Variants in CSMD1 observed in about 807,000 individuals in gnomAD.
The protein encoded by CSMD1 is CUB and Sushi multiple domains 1.
Under a neutral mutation model 417.5 loss-of-function variants are expected in CSMD1, and 213 were observed. That is an observed-to-expected ratio of 0.51 (90% CI 0.46 to 0.57). The LOEUF (loss-of-function observed/expected upper bound fraction) is 0.57. CSMD1 is among the 20% of genes least tolerant of loss of function. CSMD1 has a pLI of 0.00. For missense variants in CSMD1, 6,923 were observed against 4,529.7 expected, an observed-to-expected ratio of 1.53 and a Z score of -15.17; for synonymous variants, 2,862 against 1,736.8, an observed-to-expected ratio of 1.65 and a Z score of -16.11.
At chr8:4,130,880 C>T (rs1803060625) in intron 3 of CSMD1, among the ~76,000 whole-genome samples, 1 of 151,466 alleles carries the variant, frequency 6.6e-6, no homozygotes, top group South Asian at 2.1e-4. Context: ...TGTTCATATG[C>T]TGAGATAGGT....
chr8:3,611,556 G>C (rs149809947), intron 8 of CSMD1, among the ~76,000 whole-genome samples: 144 of 152,136 alleles, frequency 9.5e-4, no homozygotes, highest in Middle Eastern at 6.8e-3. Context: ...CCATGACAAA[G>C]TTAAAGTTTT....
intron 7 of CSMD1, among the ~76,000 whole-genome samples, chr8:3,652,312 A>G (rs1011228152): frequency 1.3e-5 from 2 of 151,656 alleles, no homozygotes; most frequent in East Asian, 1.9e-4. Context: ...ATGCTTAACC[A>G]CCATCGGAGT....
At chr8:4,662,221 C>T (rs79125892) in intron 1 of CSMD1, among the ~76,000 whole-genome samples, 7,364 of 152,120 alleles carry the variant, frequency 0.048, 261 homozygotes, top group South Asian at 0.17. Context: ...CAAAGTTATG[C>T]TATAATGATT....
chr8:3,040,226 C>G (rs955480388), intron 50 of CSMD1, among the ~76,000 whole-genome samples: 1 of 151,938 alleles, frequency 6.6e-6, no homozygotes, highest in African/African-American at 2.4e-5. Flanking sequence ...AATATCACCA[C>G]CAAAATGTTA....
intron 4 of CSMD1, among the ~76,000 whole-genome samples, chr8:4,022,329 C>G (rs370983925): frequency 3.8e-4 from 58 of 152,044 alleles, no homozygotes; most frequent in African/African-American, 1.3e-3. Context: ...GAACACCCCT[C>G]CAATTCAGCA....
At chr8:4,778,076 G>T (rs17432178) in intron 1 of CSMD1, among the ~76,000 whole-genome samples, 3 of 151,958 alleles carry the variant, frequency 2.0e-5, no homozygotes, top group Non-Finnish European at 2.9e-5. Flanking sequence ...CAGGCATACT[G>T]GTGCAATATT....
chr8:3,272,309 T>A (rs544078031), intron 26 of CSMD1, among the ~76,000 whole-genome samples: 1 of 146,310 alleles, frequency 6.8e-6, no homozygotes, highest in East Asian at 2.0e-4. Flanking sequence ...TTGGTACCAG[T>A]ACCATGCTGT....
chr8:4,767,763 G>A (rs547780601), intron 1 of CSMD1, among the ~76,000 whole-genome samples: 1 of 152,210 alleles, frequency 6.6e-6, no homozygotes, highest in Non-Finnish European at 1.5e-5. Flanking sequence ...TATCCTTTGT[G>A]CAATTATTTG....
intron 3 of CSMD1, among the ~76,000 whole-genome samples, chr8:4,352,053 C>T (rs1345975370): frequency 6.7e-6 from 1 of 149,974 alleles, no homozygotes; most frequent in Admixed American, 6.7e-5. Flanking sequence ...CCAGTGTGGT[C>T]TACAATTATT....
chr8:3,861,063 T>C (rs1037795939), intron 5 of CSMD1, among the ~76,000 whole-genome samples: 7 of 152,200 alleles, frequency 4.6e-5, no homozygotes, highest in African/African-American at 7.2e-5. Context: ...TCCCCTCCTT[T>C]TTCAGTATCA....
intron 1 of CSMD1, among the ~76,000 whole-genome samples, chr8:4,879,222 A>G: frequency 6.6e-6 from 1 of 152,086 alleles, no homozygotes; most frequent in East Asian, 1.9e-4. Context: ...CGTTTCATGA[A>G]CAGGGACAAG....
chr8:4,857,704 A>T (rs1178354586), intron 1 of CSMD1, among the ~76,000 whole-genome samples: 1 of 152,052 alleles, frequency 6.6e-6, no homozygotes, highest in Non-Finnish European at 1.5e-5. Flanking sequence ...CTCTCCCAAG[A>T]CTAAACCAGG....
intron 3 of CSMD1, among the ~76,000 whole-genome samples, chr8:4,056,469 A>G (rs1798696882): frequency 6.6e-6 from 1 of 151,880 alleles, no homozygotes; most frequent in East Asian, 1.9e-4. Flanking sequence ...AAATACACAA[A>G]TAGTTTCCGG....
intron 3 of CSMD1, among the ~76,000 whole-genome samples, chr8:4,178,359 G>C (rs1236173045): frequency 2.0e-5 from 3 of 150,390 alleles, no homozygotes; most frequent in Non-Finnish European, 4.4e-5. Flanking sequence ...ATGCAGAAAA[G>C]GCCTTTGACA....
chr8:4,656,954 C>A (rs1585403242), intron 1 of CSMD1, among the ~76,000 whole-genome samples: 1 of 151,940 alleles, frequency 6.6e-6, no homozygotes, highest in African/African-American at 2.4e-5. Flanking sequence ...TTGCATCACC[C>A]GATTCAGAAC....
intron 1 of CSMD1, among the ~76,000 whole-genome samples, chr8:4,902,220 G>C (rs756792039): frequency 7.7e-4 from 116 of 151,562 alleles, no homozygotes; most frequent in Non-Finnish European, 2.2e-4. Flanking sequence ...AACTCACCTG[G>C]GCAACTTAGC....
intron 2 of CSMD1, among the ~76,000 whole-genome samples, chr8:4,457,338 C>T (rs1044769541): frequency 3.3e-5 from 5 of 152,004 alleles, no homozygotes; most frequent in Admixed American, 6.6e-5. Flanking sequence ...CTTGGGACAC[C>T]GGAGAGGGGT....
intron 2 of CSMD1, among the ~76,000 whole-genome samples, chr8:4,466,404 CA>C (rs907083917): frequency 1.1e-4 from 16 of 151,272 alleles, no homozygotes; most frequent in Middle Eastern, 3.4e-3. Context: ...AAAACAAAGC[CA>C]AAAAAAACAC....
intron 7 of CSMD1, among the ~76,000 whole-genome samples, chr8:3,645,873 G>C (rs909967793): frequency 1.3e-5 from 2 of 152,044 alleles, no homozygotes; most frequent in African/African-American, 4.8e-5. Flanking sequence ...TATATACATA[G>C]GGCAAATTAC....
Sources: allele counts gnomAD v4.1 joint callset (sites outside exome capture counted in the v4.1 genomes callset), GRCh38; gene constraint gnomAD v4.1.1; transcripts MANE v1.5; gene names NCBI Gene and HGNC (gene_info 2026-07-23, HGNC 2026-07-21).